CCR3: variants seen among roughly 807,000 people sequenced by gnomAD.
CCR3 encodes the protein C-C chemokine receptor type 3.
For missense variants in CCR3, 419 were observed against 437.5 expected (o/e 0.96, Z 0.38); for synonymous variants, 203 against 179.2 (o/e 1.13, Z -1.06).
chr3:46,220,439 A>G lies in CCR3; in HGVS notation c.-68+9532A>G, dbSNP rs577596970. 1.2e-3 allele frequency among the ~76,000 whole-genome samples: 180 copies of G among 152,320 alleles called. 1 individual carries two copies. Among genetic ancestry groups the G allele is most frequent in the African/African-American group, 4.2e-3 (175 of 41,572 alleles). On this transcript the variant is annotated intron_variant, in intron 2 of 3. Coordinates refer to the CCR3 transcript ENST00000357422. ...TAGTACAACCACTATAGAAAACAGT[A>G]TGGAGATTCCTTAAAGAACCAAAAG...
chr3:46,259,088 T>C (rs910238251), intron 1 of CCR3, among the ~76,000 whole-genome samples: 2 of 152,242 alleles, frequency 1.3e-5, no homozygotes, highest in African/African-American at 4.8e-5. Context: ...TGAGTGGCTG[T>C]GCAGCAACAT....
chr3:46,220,092 C>A (rs1299583031), intron 2 of CCR3, among the ~76,000 whole-genome samples: 3 of 152,272 alleles, frequency 2.0e-5, no homozygotes, highest in East Asian at 3.9e-4. Context: ...AACTGTGCAT[C>A]TGACAAAATG....
chr3:46,232,799 C>T (rs1250316657), intron 2 of CCR3, among the ~76,000 whole-genome samples: 2 of 152,232 alleles, frequency 1.3e-5, no homozygotes, highest in African/African-American at 2.4e-5. Context: ...ACTCCTGTCT[C>T]TTTTGTAGAA....
chr3:46,222,027 CCT>C (rs1559525156), intron 2 of CCR3, among the ~76,000 whole-genome samples: 1 of 152,224 alleles, frequency 6.6e-6, no homozygotes, highest in East Asian at 1.9e-4. Context: ...GAAGATTCCC[CCT>C]GAGGACTGGG....
chr3:46,243,002 T>TATATATACAC lies in CCR3; in HGVS notation c.-12+465_-12+466insTATATACACA, dbSNP rs56773457. On this transcript the variant is annotated intron_variant, in intron 1 of 1. Transcript: ENST00000395940. Reference sequence around the variant, plus strand: ...ATACACATATATATATATATATATATACGCACACACACATACATTTTTATA... The same window carrying TATATATACAC: ...ATACACATATATATATATATATATATATATATACACACGCACACACACATACATTTTTATA... 4.7e-3 allele frequency among the ~76,000 whole-genome samples: 585 copies of TATATATACAC among 123,506 alleles called. 13 individuals carry two copies. The highest frequency in any genetic ancestry group is 0.013 in the Middle Eastern group (3 of 232). 81.0% of individuals were successfully genotyped at this position (123,506 alleles called of 152,430 possible). A position where few individuals can be genotyped will look rare whatever the true frequency, so the allele number is the denominator to read the frequency against.
At chr3:46,264,565 T>C in intron 1 of CCR3, 1 of 675,962 alleles carries the variant, frequency 1.5e-6, no homozygotes, top group Admixed American at 3.3e-5. Context: ...AATTTTATAT[T>C]TACTTGTTAG....
chr3:46,224,878 A>C (rs1373963457), intron 2 of CCR3, among the ~76,000 whole-genome samples: 2 of 152,186 alleles, frequency 1.3e-5, no homozygotes, highest in Non-Finnish European at 2.9e-5. Context: ...CACTTGAAAA[A>C]TTGTTTAGCA....
chr3:46,264,577 G>A, intron 1 of CCR3: 1 of 639,056 alleles, frequency 1.6e-6, no homozygotes, highest in South Asian at 1.9e-5. Context: ...ACTTGTTAGA[G>A]GATTTTGAAC....
intron 1 of CCR3, among the ~76,000 whole-genome samples, chr3:46,258,693 T>C (rs1700471954): frequency 6.6e-6 from 1 of 152,186 alleles, no homozygotes; most frequent in African/African-American, 2.4e-5. Context: ...CTTATTCATA[T>C]AGTTTTGGTT....
chr3:46,256,463 ACT>A (rs1343040666), intron 1 of CCR3, among the ~76,000 whole-genome samples: 3 of 152,138 alleles, frequency 2.0e-5, no homozygotes, highest in African/African-American at 7.2e-5. Context: ...TGAAAATATA[ACT>A]CTGAAAACAA....
chr3:46,264,347 T>A, intron 1 of CCR3: 1 of 1,096,462 alleles, frequency 9.1e-7, no homozygotes. Flanking sequence ...TTACTGTGAT[T>A]GTACATGTGT....
At chr3:46,264,552 C>A in intron 1 of CCR3, 1 of 713,308 alleles carries the variant, frequency 1.4e-6, no homozygotes. Flanking sequence ...AAGATCTAGC[C>A]CAAATTTTAT....
chr3:46,222,657 AAGTCCTCCAGCACACC>A (rs1202015062), intron 2 of CCR3, among the ~76,000 whole-genome samples: 2 of 152,172 alleles, frequency 1.3e-5, no homozygotes, highest in Non-Finnish European at 2.9e-5. Context: ...CACAGGCAGC[AAGTCCTCCAGCACACC>A]AGACCTGGCA....
chr3:46,254,771 A>G (rs975981923), intron 1 of CCR3, among the ~76,000 whole-genome samples: 5 of 152,250 alleles, frequency 3.3e-5, no homozygotes, highest in Admixed American at 2.0e-4. Flanking sequence ...TTAACTTAGA[A>G]TAATGATCTC....
In CCR3 at chr3:46,260,427, A is replaced by T. The variant is rs184609700; in HGVS notation, c.-11-4721A>T. Among the ~76,000 whole-genome samples the T allele has an allele frequency of 2.6e-5, 4 of 152,364 alleles. No homozygotes were observed. The East Asian group carries it at 7.7e-4, about 29-fold the overall frequency. ...CTATGAACTTGTAAAATCAAAAGCA[A>T]GTTACTTACTTCCTAGATACAATGA... On this transcript the variant is annotated intron_variant, in intron 1 of 1. Transcript: ENST00000395940.
chr3:46,254,488 T>TA (rs201937031), intron 1 of CCR3, among the ~76,000 whole-genome samples: 29 of 133,468 alleles, frequency 2.2e-4, no homozygotes, highest in East Asian at 1.8e-3. Context: ...AAGTTCTTTT[T>TA]TAAAAAAAAA....
chr3:46,256,028 G>A (rs1033444503), intron 1 of CCR3, among the ~76,000 whole-genome samples: 4 of 152,252 alleles, frequency 2.6e-5, no homozygotes, highest in Admixed American at 2.0e-4. Context: ...ACCCATCCAT[G>A]AGCATGGGAT....
intron 1 of CCR3, chr3:46,264,842 T>C: frequency 2.5e-6 from 1 of 406,766 alleles, no homozygotes; most frequent in Non-Finnish European, 4.4e-6. Flanking sequence ...GCCTGTTTTT[T>C]CCTGTTTTGT....
rs750564895 is a variant in CCR3 at position 46,265,140 on chromosome 3, T to A, written c.-11-8T>A. The A allele has an allele frequency of 6.5e-7, 1 of 1,542,606 alleles. No homozygotes were observed. The highest frequency in any genetic ancestry group is 2.3e-5 in the East Asian group (1 of 44,340). On this transcript the variant is annotated splice_polypyrimidine_tract_variant and splice_region_variant and intron_variant, in intron 1 of 1. Transcript: ENST00000395940. Reference sequence around the variant, plus strand: ...TTGTGGGATTGTATTTTTCTTCTTCTATCACAGGGAGAAGTGAAATGACAA... The same window carrying A: ...TTGTGGGATTGTATTTTTCTTCTTCAATCACAGGGAGAAGTGAAATGACAA...
Sources: allele counts gnomAD v4.1 joint callset (sites outside exome capture counted in the v4.1 genomes callset), GRCh38; gene constraint gnomAD v4.1.1; transcripts MANE v1.5; gene names NCBI Gene and HGNC (gene_info 2026-07-23, HGNC 2026-07-21).